SLCO2B1: variants seen among roughly 807,000 people sequenced by gnomAD.
SLCO2B1 encodes the protein OATP-RP2.
In SLCO2B1, 41 loss-of-function variants were observed where a neutral mutation model predicts 67.3. That is an observed-to-expected ratio of 0.61 (90% CI 0.47 to 0.79). The LOEUF is 0.79. Ranked by LOEUF, SLCO2B1 falls within the 30% of genes least tolerant of loss-of-function variation. The probability of loss-of-function intolerance (pLI) is 0.00; values close to 1 mark genes in which losing one functional copy is unlikely to be tolerated. For synonymous variants in SLCO2B1, 379 were observed against 381.4 expected, an observed-to-expected ratio of 0.99 and a Z score of 0.07; for missense variants, 837 against 920.1, an observed-to-expected ratio of 0.91 and a Z score of 1.17.
chr11:75,152,962 A>G (rs1202256631), intron 1 of SLCO2B1, among the ~76,000 whole-genome samples: 1 of 152,130 alleles, frequency 6.6e-6, no homozygotes, highest in Non-Finnish European at 1.5e-5. Context: ...CAGACACCAG[A>G]GAGGAGTGAA....
intron 8 of SLCO2B1, among the ~76,000 whole-genome samples, chr11:75,189,577 A>G (rs1348234996): frequency 1.3e-5 from 2 of 152,202 alleles, no homozygotes; most frequent in African/African-American, 4.8e-5. Flanking sequence ...TGTCCACAGG[A>G]GTTGCCTCAT....
intron 7 of SLCO2B1, among the ~76,000 whole-genome samples, chr11:75,178,093 C>CAAAAAA (rs71804511): frequency 1.7e-4 from 14 of 84,396 alleles, no homozygotes; most frequent in African/African-American, 4.7e-4. Flanking sequence ...GATTCCATCT[C>CAAAAAA]AAAAAAAAAA....
Position 75,204,631 on chromosome 11 carries a change from C to G in SLCO2B1, c.*51C>G. On this transcript the variant is annotated 3_prime_UTR_variant, in exon 14 of 14. Coordinates refer to ENST00000289575, the MANE Select transcript of SLCO2B1 (RefSeq NM_007256.5). ...AGAGTAGCAGCCACAGCAGTACCTC[C>G]TCTGAGTCCTTTGCCCAAGATTGGG... The G allele has an allele frequency of 6.7e-7, 1 of 1,501,646 alleles. No homozygotes were observed. The highest frequency in any genetic ancestry group is 1.4e-5 in the South Asian group (1 of 73,592). The allele number at this position is 1,501,646 out of a possible 1,614,324, so 93.0% of individuals were successfully genotyped here.
At chr11:75,169,101 T>C in intron 4 of SLCO2B1, 72 bp from the exon 5 acceptor site, 1 of 1,253,038 alleles carries the variant, frequency 8.0e-7, no homozygotes, top group East Asian at 2.6e-5. Context: ...CTTAGAACAG[T>C]ACCTTCCCCC....
rs187418735 is a variant in SLCO2B1, at chr11:75,185,927, G to A, written c.973-2209G>A. Among the ~76,000 whole-genome samples, 367 of 152,248 alleles carry A rather than the reference G, an allele frequency of 2.4e-3. 1 individual carries two copies. The highest frequency in any genetic ancestry group is 8.1e-3 in the African/African-American group (338 of 41,532). On this transcript the variant is annotated intron_variant, in intron 7 of 13. Coordinates refer to ENST00000289575, the MANE Select transcript of SLCO2B1 (RefSeq NM_007256.5). ...TTAAAGCAAAATTAGAAATGCTTCT[G>A]TTCTCCAGACATGGGGCTATCAGGA...
At chr11:75,165,750 C>T (rs752293172) in intron 3 of SLCO2B1, 37 bp from the exon 4 acceptor site, 1 of 1,608,280 alleles carries the variant, frequency 6.2e-7, no homozygotes, top group East Asian at 2.2e-5. Context: ...GCCCTGGGAA[C>T]TGTTCCACCT....
At chr11:75,154,282 G>A (rs1200364547) in intron 1 of SLCO2B1, among the ~76,000 whole-genome samples, 2 of 151,236 alleles carry the variant, frequency 1.3e-5, no homozygotes, top group African/African-American at 4.9e-5. Flanking sequence ...ATGAGGGACA[G>A]GAGTTCGAGA....
intron 7 of SLCO2B1, among the ~76,000 whole-genome samples, chr11:75,181,648 C>T (rs914714204): frequency 1.3e-5 from 2 of 152,226 alleles, no homozygotes; most frequent in Non-Finnish European, 1.5e-5. Flanking sequence ...CCAAGGATAG[C>T]GCCTGGATCC....
chr11:75,155,151 A>AAACAT (rs1949733020), intron 1 of SLCO2B1, among the ~76,000 whole-genome samples: 3 of 152,198 alleles, frequency 2.0e-5, no homozygotes, highest in Admixed American at 2.0e-4. Context: ...CTCCTTCAAG[A>AAACAT]AACAACAGCT....
intron 7 of SLCO2B1, among the ~76,000 whole-genome samples, chr11:75,179,972 G>A (rs1300793081): frequency 1.3e-5 from 2 of 151,398 alleles, no homozygotes. Flanking sequence ...GGTTACAGGC[G>A]TGAGCCACCA....
At position 75,165,844 on chromosome 11, in the gene SLCO2B1, C is replaced by A. The variant is rs148248368; in HGVS notation, c.343C>A (p.Pro115Thr). ...VSYFGSRVHR[P>T]RMIGYGAILV... ...CTATTTTGGCAGCCGGGTGCACCGA[C>A]CCCGAATGATTGGCTATGGGGCTAT... is the stretch of plus-strand genomic sequence containing the variant. The change falls in exon 4 of 14, where the codon CCC becomes ACC. Residue 115 changes from proline to threonine, a missense_variant. By Grantham distance (38) the Pro-to-Thr change is conservative. Coordinates refer to ENST00000289575, the MANE Select transcript of SLCO2B1 (RefSeq NM_007256.5). 1 of 1,614,054 alleles carries A rather than the reference C, an allele frequency of 6.2e-7. No individual in the cohort carries two copies. Among genetic ancestry groups the A allele is most frequent in the Non-Finnish European group, 8.5e-7 (1 of 1,180,012 alleles).
intron 7 of SLCO2B1, among the ~76,000 whole-genome samples, chr11:75,181,513 G>A (rs1004789839): frequency 1.3e-5 from 2 of 152,054 alleles, no homozygotes; most frequent in African/African-American, 2.4e-5. Context: ...GCTTCCCTTC[G>A]TGATATGTGA....
intron 7 of SLCO2B1, among the ~76,000 whole-genome samples, chr11:75,182,968 G>C (rs1950107430): frequency 6.6e-6 from 1 of 152,086 alleles, no homozygotes; most frequent in South Asian, 2.1e-4. Flanking sequence ...TCTCTCAGCT[G>C]TCCAGGACCC....
intron 12 of SLCO2B1, 131 bp downstream of exon 12, chr11:75,203,096 G>A: frequency 8.7e-7 from 1 of 1,150,064 alleles, no homozygotes; most frequent in South Asian, 1.2e-5. Flanking sequence ...TGGGGTGACA[G>A]ACCTGGCCCA....
chr11:75,189,223 C>T (rs1944982523), intron 8 of SLCO2B1, among the ~76,000 whole-genome samples: 1 of 151,822 alleles, frequency 6.6e-6, no homozygotes, highest in Non-Finnish European at 1.5e-5. Flanking sequence ...TGATTGAGTG[C>T]CTGCCGTGTG....
At chr11:75,155,768 G>T (rs1949739706) in intron 1 of SLCO2B1, among the ~76,000 whole-genome samples, 1 of 152,218 alleles carries the variant, frequency 6.6e-6, no homozygotes, top group South Asian at 2.1e-4. Context: ...GCGTGAGCCA[G>T]GCCTCGAAAG....
intron 1 of SLCO2B1, chr11:75,151,913 G>T: frequency 6.2e-6 from 1 of 161,460 alleles, no homozygotes. Context: ...AGACAAAGAG[G>T]CAGGAGACAG....
intron 7 of SLCO2B1, among the ~76,000 whole-genome samples, chr11:75,176,540 C>T (rs1473501952): frequency 1.3e-5 from 2 of 152,202 alleles, no homozygotes; most frequent in Non-Finnish European, 2.9e-5. Flanking sequence ...GTCTGTGCCT[C>T]GAATGGTCTA....
At chr11:75,188,428 CA>C (rs1944969625) in intron 8 of SLCO2B1, among the ~76,000 whole-genome samples, 190 bp downstream of exon 8, 1 of 152,146 alleles carries the variant, frequency 6.6e-6, no homozygotes, top group South Asian at 2.1e-4. Context: ...TTATTGCTTT[CA>C]AAACCTTCCC....
Sources: allele counts gnomAD v4.1 joint callset (sites outside exome capture counted in the v4.1 genomes callset), GRCh38; gene constraint gnomAD v4.1.1; transcripts MANE v1.5; gene names NCBI Gene and HGNC (gene_info 2026-07-23, HGNC 2026-07-21).